Variants in RRM1 observed in about 807,000 individuals in gnomAD.
RRM1 encodes ribonucleoside-diphosphate reductase large subunit.
A neutral mutation model predicts 101.5 loss-of-function variants in RRM1; 19 were observed. That is an observed-to-expected ratio of 0.19 (90% CI 0.13 to 0.27). The LOEUF (loss-of-function observed/expected upper bound fraction) is 0.27, where lower values mean the gene tolerates loss of function less well. RRM1 is among the 10% of genes least tolerant of loss of function. The pLI, the probability that RRM1 is intolerant of heterozygous loss-of-function variation, is 1.00. For missense variants in RRM1, 500 were observed against 962.9 expected, an observed-to-expected ratio of 0.52 and a Z score of 6.36; for synonymous variants, 298 against 323.4, an observed-to-expected ratio of 0.92 and a Z score of 0.84.
At chr11:4,130,104 T>TTC (rs1565189537) in intron 15 of RRM1, among the ~76,000 whole-genome samples, 12 of 90,602 alleles carry the variant, frequency 1.3e-4, no homozygotes, top group Non-Finnish European at 2.4e-4. Context: ...TTTTTTTTTT[T>TTC]CCCCTCAAAA....
At chr11:4,137,758 C>G (rs1445327508) in intron 18 of RRM1, among the ~76,000 whole-genome samples, 1 of 24,248 alleles carries the variant, frequency 4.1e-5, no homozygotes, top group Non-Finnish European at 1.1e-4. Flanking sequence ...CGGGCAGAGG[C>G]GCCCCTCACC....
intron 1 of RRM1, among the ~76,000 whole-genome samples, chr11:4,099,790 C>T (rs527821047): frequency 1.3e-5 from 2 of 152,006 alleles, no homozygotes; most frequent in South Asian, 4.1e-4. Context: ...GAATAGAGAA[C>T]TGTGTGTCAT....
chr11:4,134,947 A>G (rs2094606502), intron 17 of RRM1, 135 bp from the exon 18 acceptor site: 3 of 568,454 alleles, frequency 5.3e-6, no homozygotes, highest in African/African-American at 3.8e-5. Context: ...TAAGGATCAT[A>G]TCATATGATA....
intron 1 of RRM1, among the ~76,000 whole-genome samples, chr11:4,101,729 G>A (rs1050669291): frequency 6.6e-6 from 1 of 152,138 alleles, no homozygotes; most frequent in Non-Finnish European, 1.5e-5. Context: ...CTTTTAAAGG[G>A]TAATTTTGGC....
chr11:4,128,789 A>AC lies in RRM1; in HGVS notation c.1693-285_1693-284insC, dbSNP rs2094594107. On this transcript the variant is annotated intron_variant, in intron 14 of 18. Transcript: ENST00000300738. ...TGAAGAAAGTAACATTTTTAGTGTT[A>AC]AAAAAAGAGAATGTGTCAGCCACAC... 2.6e-5 allele frequency among the ~76,000 whole-genome samples: 4 copies of AC among 152,170 alleles called. 1 individual carries two copies. In the South Asian group the frequency reaches 8.3e-4, roughly 32 times the overall value.
chr11:4,097,738 T>C (rs2133282459), intron 1 of RRM1, among the ~76,000 whole-genome samples: 1 of 152,238 alleles, frequency 6.6e-6, no homozygotes, highest in Non-Finnish European at 1.5e-5. Flanking sequence ...ACTACAGATG[T>C]GTGCCACCAC....
intron 1 of RRM1, among the ~76,000 whole-genome samples, chr11:4,096,405 G>T (rs763275687): frequency 2.6e-5 from 4 of 152,218 alleles, no homozygotes; most frequent in Non-Finnish European, 5.9e-5. Flanking sequence ...TGTAGGACAC[G>T]ATGAATGCTG....
At chr11:4,106,436 G>A (rs1023065212) in intron 3 of RRM1, among the ~76,000 whole-genome samples, 4 of 151,898 alleles carry the variant, frequency 2.6e-5, no homozygotes, top group African/African-American at 7.3e-5. Context: ...CCATCTCTAC[G>A]TTTTAAGAAA....
chr11:4,094,889 A>C lies in RRM1; in HGVS notation c.-124A>C. On this transcript the variant is annotated 5_prime_UTR_variant, in exon 1 of 19. Coordinates refer to ENST00000300738, the MANE Select transcript of RRM1 (RefSeq NM_001033.5). ...GAAAGTGCTGTCTGGCTCCAACTCC[A>C]GTTCTTTCCCCTGAGCAGCGCCTGG... is the stretch of plus-strand genomic sequence containing the variant. The C allele has an allele frequency of 1.0e-6, 1 of 1,004,672 alleles. No individual in the cohort carries two copies. Among genetic ancestry groups the C allele is most frequent in the East Asian group, 2.6e-5 (1 of 38,150 alleles). The allele number at this position is 1,004,672 out of a possible 1,614,324, so 62.2% of individuals were successfully genotyped here. A position where few individuals can be genotyped will look rare whatever the true frequency, so the allele number is the denominator to read the frequency against.
At chr11:4,134,046 A>C (rs1358212274) in intron 17 of RRM1, among the ~76,000 whole-genome samples, 1 of 125,886 alleles carries the variant, frequency 7.9e-6, no homozygotes. Flanking sequence ...GCAGTGGTGG[A>C]ATCATGGCTC....
rs1332432742 is a variant in RRM1, at chr11:4,094,839, T to C, written c.-174T>C. 5 of 657,608 alleles carry C rather than the reference T, an allele frequency of 7.6e-6. No homozygotes were observed. Among genetic ancestry groups the C allele is most frequent in the African/African-American group, 5.4e-5 (3 of 55,502 alleles). 40.7% of individuals were successfully genotyped at this position (657,608 alleles called of 1,614,324 possible). A position where few individuals can be genotyped will look rare whatever the true frequency, so the allele number is the denominator to read the frequency against. ...GGGTGGCGGGCGCGGGAAGGGGATT[T>C]GGATTGTTGCGCCTCTGCTCTGAAG... On this transcript the variant is annotated 5_prime_UTR_variant, in exon 1 of 19. Transcript: ENST00000300738.
At chr11:4,107,163 A>C (rs1305581563) in intron 3 of RRM1, among the ~76,000 whole-genome samples, 1 of 152,222 alleles carries the variant, frequency 6.6e-6, no homozygotes, top group Admixed American at 6.5e-5. Flanking sequence ...AAGTCCTGGG[A>C]TTACAGGCGT....
chr11:4,112,802 A>G (rs1420348685), intron 7 of RRM1, among the ~76,000 whole-genome samples: 1 of 152,208 alleles, frequency 6.6e-6, no homozygotes, highest in African/African-American at 2.4e-5. Flanking sequence ...AGAAGCAGAT[A>G]GATCAAAAGA....
Position 4,094,900 on chromosome 11 carries a change from C to A in RRM1, c.-113C>A. Reference sequence around the variant, plus strand: ...CTGGCTCCAACTCCAGTTCTTTCCCCTGAGCAGCGCCTGGAACCTAACCCT... The same window carrying A: ...CTGGCTCCAACTCCAGTTCTTTCCCATGAGCAGCGCCTGGAACCTAACCCT... On this transcript the variant is annotated 5_prime_UTR_variant, in exon 1 of 19. In the 5' UTR this introduces an upstream ATG that the reference lacks. Transcript: ENST00000300738. The A allele has an allele frequency of 8.7e-7, 1 of 1,154,442 alleles. No homozygotes were observed. The highest frequency in any genetic ancestry group is 2.6e-5 in the East Asian group (1 of 38,916). The allele number at this position is 1,154,442 out of a possible 1,614,324, so 71.5% of individuals were successfully genotyped here.
At position 4,094,813 on chromosome 11, in the gene RRM1, C is replaced by G. The variant is rs2094540583; in HGVS notation, c.-200C>G. 1.6e-6 allele frequency: 1 copy of G among 609,708 alleles called. No homozygotes were observed. The allele number at this position is 609,708 out of a possible 1,614,324, so 37.8% of individuals were successfully genotyped here. A position where few individuals can be genotyped will look rare whatever the true frequency, so the allele number is the denominator to read the frequency against. On this transcript the variant is annotated 5_prime_UTR_variant, in exon 1 of 19. Coordinates refer to ENST00000300738, the MANE Select transcript of RRM1 (RefSeq NM_001033.5). The stretch of plus-strand genomic sequence containing the variant: ...CCCCGTCGCGCCCCTTTGTGCGTCA[C>G]GGGTGGCGGGCGCGGGAAGGGGATT...
At chr11:4,129,946 C>T (rs530994591) in intron 15 of RRM1, among the ~76,000 whole-genome samples, 3 of 150,650 alleles carry the variant, frequency 2.0e-5, no homozygotes, top group African/African-American at 7.3e-5. Flanking sequence ...AATACTGCCT[C>T]CCCCAGAAAA....
chr11:4,135,111 G>A lies in RRM1; in HGVS notation c.2031G>A (p.Lys677=), dbSNP rs2094607007. The A allele has an allele frequency of 6.2e-7, 1 of 1,611,830 alleles. No individual in the cohort carries two copies. The highest frequency in any genetic ancestry group is 8.5e-7 in the Non-Finnish European group (1 of 1,178,762). ...QSIPEIPDDL[K]QLYKTVWEIS... is the part of the protein sequence containing the mutation. ...TACCAGAAATTCCTGATGACCTGAA[G>A]CAACTTTATAAAACTGTGTGGGAAA... Residue 677 remains lysine, a synonymous_variant, in exon 18 of 19, where the codon AAG becomes AAA. Coordinates refer to ENST00000300738, the MANE Select transcript of RRM1 (RefSeq NM_001033.5).
chr11:4,127,220 A>G lies in RRM1; in HGVS notation c.1656A>G (p.Pro552=), dbSNP rs752893639. 2.5e-6 allele frequency: 4 copies of G among 1,606,056 alleles called. No homozygotes were observed. Among genetic ancestry groups the G allele is most frequent in the Non-Finnish European group, 3.4e-6 (4 of 1,177,680 alleles). The change falls in exon 14 of 19, where the codon CCA becomes CCG. Residue 552 remains proline, a synonymous_variant. Transcript: ENST00000300738. Reference sequence around the variant, plus strand: ...GTGACCTTGCCAAGGAGCAGGGCCCATACGAAACCTATGAGGGCTCTCCAG... The same window carrying G: ...GTGACCTTGCCAAGGAGCAGGGCCCGTACGAAACCTATGAGGGCTCTCCAG... ...ASCDLAKEQG[P]YETYEGSPVS... is the part of the protein sequence containing the mutation.
At chr11:4,113,770 C>G (rs2094568695) in intron 7 of RRM1, among the ~76,000 whole-genome samples, 1 of 152,114 alleles carries the variant, frequency 6.6e-6, no homozygotes, top group Admixed American at 6.5e-5. Flanking sequence ...TACTGTAGGC[C>G]TTTGTATTAC....
Sources: allele counts gnomAD v4.1 joint callset (sites outside exome capture counted in the v4.1 genomes callset), GRCh38; gene constraint gnomAD v4.1.1; transcripts MANE v1.5; gene names NCBI Gene and HGNC (gene_info 2026-07-23, HGNC 2026-07-21).